Variants in ELOVL6 observed in about 807,000 individuals in gnomAD.
ELOVL6 encodes ELOVL fatty acid elongase 6.
ELOVL6 carries 8 observed loss-of-function variants against 31.7 expected under a neutral mutation model. The observed-to-expected ratio is 0.25, with a 90% CI of 0.15 to 0.45. The LOEUF is 0.45. Among genes scored for constraint, ELOVL6 ranks in the 20% least tolerant of loss-of-function variants. The pLI, the probability that ELOVL6 is intolerant of heterozygous loss-of-function variation, is 1.00. For synonymous variants in ELOVL6, 101 were observed against 117.7 expected, an observed-to-expected ratio of 0.86 and a Z score of 0.92; for missense variants, 126 against 326.4, an observed-to-expected ratio of 0.39 and a Z score of 4.73.
chr4:110,187,333 A>G (rs1230938568), intron 1 of ELOVL6, among the ~76,000 whole-genome samples: 1 of 151,946 alleles, frequency 6.6e-6, no homozygotes, highest in Non-Finnish European at 1.5e-5. Context: ...CTGGACATGA[A>G]GTTTCCACCT....
intron 1 of ELOVL6, among the ~76,000 whole-genome samples, chr4:110,195,890 G>C (rs372422920): frequency 6.6e-6 from 1 of 152,184 alleles, no homozygotes; most frequent in African/African-American, 2.4e-5. Flanking sequence ...CTGATGGTCT[G>C]TAAGTTAATA....
At chr4:110,110,618 A>T (rs1389710092) in intron 1 of ELOVL6, among the ~76,000 whole-genome samples, 1 of 151,846 alleles carries the variant, frequency 6.6e-6, no homozygotes, top group Non-Finnish European at 1.5e-5. Context: ...CTGGTCCCCA[A>T]CTCCTGGACT....
At chr4:110,142,164 G>A (rs959273894) in intron 1 of ELOVL6, among the ~76,000 whole-genome samples, 12 of 145,964 alleles carry the variant, frequency 8.2e-5, no homozygotes, top group South Asian at 6.6e-4. Flanking sequence ...TCCACCTCCT[G>A]GGATCACACC....
chr4:110,134,850 T>G (rs1352483418), intron 1 of ELOVL6, among the ~76,000 whole-genome samples: 1 of 152,052 alleles, frequency 6.6e-6, no homozygotes, highest in Non-Finnish European at 1.5e-5. Flanking sequence ...TCTCAGCTAC[T>G]CAGGAGGCTG....
At chr4:110,178,699 A>C (rs1759186906) in intron 1 of ELOVL6, among the ~76,000 whole-genome samples, 1 of 152,068 alleles carries the variant, frequency 6.6e-6, no homozygotes, top group South Asian at 2.1e-4. Flanking sequence ...ACAAATAATC[A>C]AAAAATTAGT....
intron 2 of ELOVL6, among the ~76,000 whole-genome samples, chr4:110,082,676 A>T (rs1339713176): frequency 1.8e-4 from 28 of 152,144 alleles, no homozygotes; most frequent in Non-Finnish European, 4.4e-5. Flanking sequence ...GCACACCAAC[A>T]TGGCACATGT....
Position 110,163,745 on chromosome 4 carries a change from T to C in ELOVL6, c.89+34502A>G, listed in dbSNP as rs116831621. ...GTTGTATGAAGGTGGCAGCACTGAG[T>C]TGGGCTTTCTAAGTTTCAGAAATAG... On this transcript the variant is annotated intron_variant, in intron 1 of 3. Coordinates refer to ENST00000302274, the MANE Select transcript of ELOVL6 (RefSeq NM_024090.3). 6.4e-3 allele frequency among the ~76,000 whole-genome samples: 971 copies of C among 152,302 alleles called. 8 individuals are homozygous for C. The highest frequency in any genetic ancestry group is 0.022 in the African/African-American group (912 of 41,558).
intron 2 of ELOVL6, among the ~76,000 whole-genome samples, chr4:110,068,304 G>A (rs1337705127): frequency 6.6e-6 from 1 of 152,174 alleles, no homozygotes; most frequent in African/African-American, 2.4e-5. Flanking sequence ...CTCCTAGACT[G>A]AGAAAATGCT....
At chr4:110,122,813 C>A (rs1410124005) in intron 1 of ELOVL6, among the ~76,000 whole-genome samples, 21 of 152,242 alleles carry the variant, frequency 1.4e-4, no homozygotes, top group Admixed American at 1.4e-3. Flanking sequence ...CTTTGTCCCA[C>A]TTTCCTTCGC....
At chr4:110,169,236 T>TAG (rs1178400825) in intron 1 of ELOVL6, among the ~76,000 whole-genome samples, 2 of 115,660 alleles carry the variant, frequency 1.7e-5, no homozygotes, top group African/African-American at 3.1e-5. Flanking sequence ...TTGGGGTTTT[T>TAG]TGTTTTGTTT....
intron 2 of ELOVL6, among the ~76,000 whole-genome samples, chr4:110,094,537 G>T (rs548024216): frequency 1.0e-4 from 15 of 146,240 alleles, no homozygotes; most frequent in African/African-American, 3.8e-4. Context: ...GAATACCTGG[G>T]TGAGGAGTGT....
intron 1 of ELOVL6, among the ~76,000 whole-genome samples, chr4:110,152,729 G>A (rs1758311511): frequency 6.6e-6 from 1 of 152,236 alleles, no homozygotes; most frequent in African/African-American, 2.4e-5. Flanking sequence ...CGTAGAAGTA[G>A]TGAGGATTGT....
At chr4:110,055,887 T>C (rs1280951598) in intron 3 of ELOVL6, among the ~76,000 whole-genome samples, 2 of 152,190 alleles carry the variant, frequency 1.3e-5, no homozygotes, top group African/African-American at 4.8e-5. Flanking sequence ...CTTGTTCTAG[T>C]GGCCTACAAC....
intron 1 of ELOVL6, among the ~76,000 whole-genome samples, chr4:110,187,445 G>GAA (rs745927007): frequency 2.3e-5 from 3 of 128,696 alleles, no homozygotes; most frequent in Admixed American, 8.0e-5. Context: ...TCAGCAAAAT[G>GAA]AAAAAAAAAA....
chr4:110,140,149 A>G (rs1168386654), intron 1 of ELOVL6, among the ~76,000 whole-genome samples: 1 of 152,086 alleles, frequency 6.6e-6, no homozygotes. Flanking sequence ...TTTTCTATAT[A>G]AGCCCCCAAA....
chr4:110,179,748 T>C (rs1308917713), intron 1 of ELOVL6, among the ~76,000 whole-genome samples: 2 of 152,206 alleles, frequency 1.3e-5, no homozygotes, highest in Admixed American at 6.5e-5. Context: ...AGCTGTTATG[T>C]TGTAACTACC....
chr4:110,117,572 G>A (rs1757202051), intron 1 of ELOVL6, among the ~76,000 whole-genome samples: 1 of 151,900 alleles, frequency 6.6e-6, no homozygotes, highest in Admixed American at 6.6e-5. Flanking sequence ...GCATCCTGAA[G>A]GCTGGTAGAT....
chr4:110,155,573 T>C (rs530710854), intron 1 of ELOVL6, among the ~76,000 whole-genome samples: 3 of 152,292 alleles, frequency 2.0e-5, no homozygotes, highest in South Asian at 4.1e-4. Context: ...GGAACACTTA[T>C]TTTTCCTCTA....
chr4:110,073,278 C>T lies in ELOVL6; in HGVS notation c.222-13524G>A, dbSNP rs1035467263. Among the ~76,000 whole-genome samples the T allele has an allele frequency of 1.1e-4, 16 of 152,154 alleles. No individual in the cohort carries two copies. In the South Asian group the frequency reaches 1.5e-3, roughly 14 times the overall value. ...TGGCTTGGCATTCTACCAGTACTGT[C>T]CCAGGAGCAGAGCTCACTCTTTTCA... is the stretch of plus-strand genomic sequence containing the variant. On this transcript the variant is annotated intron_variant, in intron 2 of 3. Transcript: ENST00000302274.
Sources: allele counts gnomAD v4.1 joint callset (sites outside exome capture counted in the v4.1 genomes callset), GRCh38; gene constraint gnomAD v4.1.1; transcripts MANE v1.5; gene names NCBI Gene and HGNC (gene_info 2026-07-23, HGNC 2026-07-21).